The following EXOC6B variants were observed in gnomAD, a reference collection of about 807,000 sequenced individuals.
The protein encoded by EXOC6B is exocyst complex component 6B.
In EXOC6B, 54 loss-of-function variants were observed where a neutral mutation model predicts 113.5. The ratio of observed to expected loss-of-function variants is 0.48; its 90% CI spans 0.38 to 0.60. EXOC6B has a LOEUF of 0.60. Ranked by LOEUF, EXOC6B falls within the 20% of genes least tolerant of loss-of-function variation. EXOC6B has a pLI of 0.00. For synonymous variants in EXOC6B, 357 were observed against 339.0 expected, an observed-to-expected ratio of 1.05 and a Z score of -0.58; for missense variants, 797 against 977.5, an observed-to-expected ratio of 0.82 and a Z score of 2.46.
intron 18 of EXOC6B, 50 bp downstream of exon 18, chr2:72,465,110 T>C (rs372683988): frequency 6.8e-6 from 10 of 1,462,542 alleles, no homozygotes; most frequent in East Asian, 2.5e-5. Context: ...AACTAAATTA[T>C]AAGGAAATCT....
intron 6 of EXOC6B, among the ~76,000 whole-genome samples, chr2:72,580,126 G>A (rs937715545): frequency 9.2e-4 from 125 of 136,122 alleles, no homozygotes; most frequent in Non-Finnish European, 1.6e-3. Context: ...CTCTGAAAAA[G>A]AAATAAGAAT....
At chr2:72,506,224 G>T (rs1461447930) in intron 11 of EXOC6B, among the ~76,000 whole-genome samples, 2 of 151,996 alleles carry the variant, frequency 1.3e-5, no homozygotes, top group Non-Finnish European at 2.9e-5. Flanking sequence ...AGATGAATTG[G>T]CATTTCCTTG....
chr2:72,810,938 T>G (rs894161603), intron 1 of EXOC6B, among the ~76,000 whole-genome samples: 1 of 151,812 alleles, frequency 6.6e-6, no homozygotes, highest in Non-Finnish European at 1.5e-5. Context: ...TTCCAGCTAC[T>G]CAGGAGGATG....
intron 1 of EXOC6B, among the ~76,000 whole-genome samples, chr2:72,770,540 T>A (rs1346041131): frequency 6.6e-6 from 1 of 152,200 alleles, no homozygotes; most frequent in Non-Finnish European, 1.5e-5. Context: ...AAGTGGTAAA[T>A]ATAAAGATTA....
intron 18 of EXOC6B, among the ~76,000 whole-genome samples, chr2:72,440,023 C>T (rs1696106497): frequency 2.0e-5 from 3 of 151,986 alleles, no homozygotes; most frequent in South Asian, 2.1e-4. Context: ...GGCTGAGAAA[C>T]GCAAAGATAG....
intron 19 of EXOC6B, among the ~76,000 whole-genome samples, chr2:72,340,057 T>C (rs2104901668): frequency 6.6e-6 from 1 of 152,304 alleles, no homozygotes; most frequent in Non-Finnish European, 1.5e-5. Context: ...TCTAGACTTC[T>C]TGAAGGCTGA....
chr2:72,719,260 G>T (rs1679840198), intron 5 of EXOC6B, among the ~76,000 whole-genome samples: 1 of 152,182 alleles, frequency 6.6e-6, no homozygotes, highest in African/African-American at 2.4e-5. Context: ...TGCTGTTAGT[G>T]AAAGTAGCAA....
At chr2:72,276,769 C>T (rs1050044732) in intron 20 of EXOC6B, among the ~76,000 whole-genome samples, 13 of 151,964 alleles carry the variant, frequency 8.6e-5, no homozygotes, top group African/African-American at 3.1e-4. Flanking sequence ...TTAAAGAGAC[C>T]AAAAATAAGT....
intron 17 of EXOC6B, among the ~76,000 whole-genome samples, chr2:72,472,134 T>C (rs963009857): frequency 4.6e-5 from 7 of 152,224 alleles, no homozygotes; most frequent in African/African-American, 1.4e-4. Context: ...TGCTGATAAT[T>C]TTTGCATCTA....
intron 1 of EXOC6B, among the ~76,000 whole-genome samples, chr2:72,759,224 G>GT (rs1682608283): frequency 6.6e-6 from 1 of 152,138 alleles, no homozygotes; most frequent in Non-Finnish European, 1.5e-5. Context: ...ATGAGATAAT[G>GT]TAAGAATTCT....
intron 18 of EXOC6B, among the ~76,000 whole-genome samples, chr2:72,451,654 C>CTGTGTGTGTGTGTGTG (rs141514102): frequency 1.5e-3 from 208 of 142,590 alleles, no homozygotes; most frequent in African/African-American, 3.7e-3. Context: ...GTCTTTGTGC[C>CTGTGTGTGTGTGTGTG]TGTGTGTGTG....
rs1466969548 is a variant in EXOC6B at position 72,379,726 on chromosome 2, T to C, written c.2122+3A>G. 2 of 1,609,208 alleles carry C rather than the reference T, an allele frequency of 1.2e-6. No individual in the cohort carries two copies. The highest frequency in any genetic ancestry group is 1.7e-6 in the Non-Finnish European group (2 of 1,177,322). ...ACAAGCACAGGGATGGTCACTGTCT[T>C]ACGTTCACATTCTCTGACGTCCAAG... On this transcript the variant is annotated splice_donor_region_variant and intron_variant, in intron 19 of 21. Coordinates refer to ENST00000272427, the MANE Select transcript of EXOC6B (RefSeq NM_015189.3).
chr2:72,731,276 C>T lies in EXOC6B; in HGVS notation c.328-31G>A, dbSNP rs760717413. On this transcript the variant is annotated intron_variant, in intron 3 of 21. Coordinates refer to ENST00000272427, the MANE Select transcript of EXOC6B (RefSeq NM_015189.3). ...CAAGAGGGAAAAAGACTGAATTATG[C>T]CTATGGCTGTAAATAAAAAGCTTTC... 1.3e-5 allele frequency: 20 copies of T among 1,511,506 alleles called. No homozygotes were observed. The East Asian group carries it at 3.6e-4, about 27-fold the overall frequency. 93.6% of individuals were successfully genotyped at this position (1,511,506 alleles called of 1,614,324 possible). A position where few individuals can be genotyped will look rare whatever the true frequency, so the allele number is the denominator to read the frequency against.
intron 1 of EXOC6B, among the ~76,000 whole-genome samples, chr2:72,771,796 G>A (rs1462723458): frequency 6.6e-6 from 1 of 152,076 alleles, no homozygotes; most frequent in Admixed American, 6.6e-5. Flanking sequence ...GCAACATGGT[G>A]AGACCATATC....
chr2:72,649,242 G>A (rs62150295), intron 6 of EXOC6B, among the ~76,000 whole-genome samples: 1 of 151,932 alleles, frequency 6.6e-6, no homozygotes, highest in Non-Finnish European at 1.5e-5. Flanking sequence ...ATGGTTAATG[G>A]GCACAAAAAA....
chr2:72,515,154 G>A (rs1236236286), intron 8 of EXOC6B, 28 bp from the exon 9 acceptor site: 1 of 1,543,376 alleles, frequency 6.5e-7, no homozygotes, highest in Non-Finnish European at 8.8e-7. Flanking sequence ...AAAATGGGTT[G>A]ACACAATTGG....
intron 17 of EXOC6B, among the ~76,000 whole-genome samples, chr2:72,476,316 G>T (rs1441473596): frequency 6.6e-6 from 1 of 152,046 alleles, no homozygotes; most frequent in Non-Finnish European, 1.5e-5. Flanking sequence ...CCCTTCCTTG[G>T]TTTAGGCATT....
At chr2:72,371,001 A>C (rs1046635154) in intron 19 of EXOC6B, among the ~76,000 whole-genome samples, 1 of 151,490 alleles carries the variant, frequency 6.6e-6, no homozygotes, top group Non-Finnish European at 1.5e-5. Flanking sequence ...AGTATAATAA[A>C]AATATATATA....
At chr2:72,283,566 G>A (rs913747822) in intron 20 of EXOC6B, among the ~76,000 whole-genome samples, 1 of 152,132 alleles carries the variant, frequency 6.6e-6, no homozygotes, top group African/African-American at 2.4e-5. Flanking sequence ...CCATGGAGGA[G>A]TAGGGGGAGG....
Sources: gnomAD v4.1 joint callset for allele counts (sites outside exome capture counted in the v4.1 genomes callset) on GRCh38, gnomAD v4.1.1 for gene constraint, MANE v1.5 for transcripts, NCBI Gene and HGNC (gene_info 2026-07-23, HGNC 2026-07-21) for gene names.